Variants in CEP192 observed in about 807,000 individuals in gnomAD.
The protein encoded by CEP192 is centrosomal protein of 192 kDa.
In CEP192, 151 loss-of-function variants were observed where a neutral mutation model predicts 271.8. The ratio of observed to expected loss-of-function variants is 0.56; its 90% CI spans 0.49 to 0.64. The LOEUF (loss-of-function observed/expected upper bound fraction) is 0.64. Among genes scored for constraint, CEP192 ranks in the 30% least tolerant of loss-of-function variants. The pLI is 0.00. For synonymous variants in CEP192, 995 were observed against 1,076.5 expected (o/e 0.92, Z 1.48); for missense variants, 2,910 against 3,020.5 (o/e 0.96, Z 0.86).
chr18:13,112,129 C>T (rs1409026095), intron 40 of CEP192, among the ~76,000 whole-genome samples: 1 of 152,190 alleles, frequency 6.6e-6, no homozygotes, highest in Non-Finnish European at 1.5e-5. Flanking sequence ...TCTGGATATA[C>T]ACTAGAAAAG....
At chr18:13,001,319 A>G in intron 2 of CEP192, 138 bp from the exon 3 acceptor site, 1 of 593,394 alleles carries the variant, frequency 1.7e-6, no homozygotes, top group Middle Eastern at 4.6e-4. Context: ...TGCACAGAGG[A>G]TGATGGTTTG....
intron 2 of CEP192, among the ~76,000 whole-genome samples, chr18:13,000,765 G>A (rs1180160677): frequency 6.6e-6 from 1 of 152,210 alleles, no homozygotes; most frequent in African/African-American, 2.4e-5. Flanking sequence ...GACCAGCCTG[G>A]CCAACATGGC....
chr18:13,033,575 A>G (rs1421275370), intron 11 of CEP192, among the ~76,000 whole-genome samples: 1 of 152,236 alleles, frequency 6.6e-6, no homozygotes, highest in Non-Finnish European at 1.5e-5. Context: ...TTTATTCTTC[A>G]GATACACTTG....
chr18:13,107,465 A>C (rs1394819431), intron 40 of CEP192, among the ~76,000 whole-genome samples: 1 of 152,260 alleles, frequency 6.6e-6, no homozygotes, highest in Non-Finnish European at 1.5e-5. Flanking sequence ...CTGGGCTGAC[A>C]GTCTACTGAC....
intron 9 of CEP192, among the ~76,000 whole-genome samples, chr18:13,020,819 T>C (rs2034947791): frequency 6.6e-6 from 1 of 152,252 alleles, no homozygotes; most frequent in African/African-American, 2.4e-5. Context: ...TGCATTTCCC[T>C]GATGACAGTG....
intron 15 of CEP192, among the ~76,000 whole-genome samples, chr18:13,043,841 C>G (rs2143859068): frequency 6.6e-6 from 1 of 152,162 alleles, no homozygotes; most frequent in Middle Eastern, 3.4e-3. Context: ...AGATTTCTTC[C>G]TAAGTTGTTG....
chr18:13,068,909 C>T lies in CEP192; in HGVS notation c.4880C>T (p.Pro1627Leu). 1 of 1,614,136 alleles carries T rather than the reference C, an allele frequency of 6.2e-7. No homozygotes were observed. The highest frequency in any genetic ancestry group is 8.5e-7 in the Non-Finnish European group (1 of 1,180,002). The change falls in exon 25 of 45, where the codon CCA (proline) becomes CTA (leucine). Residue 1627 changes from proline to leucine, a missense_variant. Physicochemically the swap from Pro to Leu is moderately conservative, Grantham distance 98. Coordinates refer to ENST00000506447, the MANE Select transcript of CEP192 (RefSeq NM_032142.4). ...SAKVDIEVDS[P>L]NPTPVLRSVS... ...AAAGTTGATATCGAAGTTGACAGCC[C>T]AAACCCTACGCCCGTTCTTAGAAGT... is the stretch of plus-strand genomic sequence containing the variant.
chr18:13,038,431 C>T lies in CEP192; in HGVS notation c.1661C>T (p.Thr554Ile). 1 of 1,551,606 alleles carries T rather than the reference C, an allele frequency of 6.4e-7. No homozygotes were observed. Among genetic ancestry groups the T allele is most frequent in the Admixed American group, 2.0e-5 (1 of 50,992 alleles). Residue 554 changes from threonine to isoleucine, a missense_variant, in exon 13 of 45, where the codon ACA becomes ATA. Coordinates refer to ENST00000506447, the MANE Select transcript of CEP192 (RefSeq NM_032142.4). ...VALGDTSWGA[T>I]INYSLLRKSR... The stretch of plus-strand genomic sequence containing the variant: ...CTGGGCGATACGTCCTGGGGAGCTA[C>T]AATTAATTACAGTCTGTTGAGGAAA...
chr18:13,017,825 C>CTTACTATTTTTTATCTA (rs2034744982), intron 7 of CEP192, among the ~76,000 whole-genome samples: 1 of 152,160 alleles, frequency 6.6e-6, no homozygotes, highest in African/African-American at 2.4e-5. Context: ...ATCCTTTATT[C>CTTACTATTTTTTATCTA]TTACTATTTT....
chr18:13,057,594 G>A lies in CEP192; in HGVS notation c.4118G>A (p.Arg1373Gln), dbSNP rs1196587669. Residue 1373 changes from arginine (R) to glutamine (Q), a missense_variant, in exon 20 of 45, where the codon CGA becomes CAA. Arg to Gln is a conservative substitution (Grantham distance 43). Transcript: ENST00000506447. ...CCTTATTCTCACCCAGGGAGTGTCC[G>A]AGTGCCCGAGGAGTTGAAGCTTCCT... ...SGVTSGLGSV[R>Q]VPEELKLPHA... The A allele has an allele frequency of 6.8e-6, 11 of 1,613,816 alleles. No homozygotes were observed. Among genetic ancestry groups the A allele is most frequent in the South Asian group, 3.3e-5 (3 of 91,050 alleles).
In CEP192 at chr18:13,056,712, T is replaced by C. The variant is rs767635932; in HGVS notation, c.4108+14T>C. ...CATCAGGATTGGGTAAGATGCTTTT[T>C]CTCTATTATTATTACTTGCTATTAT... On this transcript the variant is annotated intron_variant, in intron 19 of 44. Coordinates refer to ENST00000506447, the MANE Select transcript of CEP192 (RefSeq NM_032142.4). The C allele has an allele frequency of 5.8e-6, 9 of 1,546,698 alleles. No homozygotes were observed. Among genetic ancestry groups the C allele is most frequent in the Admixed American group, 2.1e-5 (1 of 48,620 alleles).
At chr18:13,041,418 A>G (rs1386165817) in intron 14 of CEP192, among the ~76,000 whole-genome samples, 1 of 152,162 alleles carries the variant, frequency 6.6e-6, no homozygotes, top group East Asian at 1.9e-4. Context: ...GCTACATATC[A>G]TATAAAGTTG....
chr18:13,056,663 T>C lies in CEP192; in HGVS notation c.4073T>C (p.Ile1358Thr), dbSNP rs773098435. ...PVPSVGTNCG[I>T]EPWDSGVTSG... Reference sequence around the variant, plus strand: ...CCGTCTGTTGGTACAAACTGTGGAATTGAACCATGGGATTCAGGAGTGACA... The same window carrying C: ...CCGTCTGTTGGTACAAACTGTGGAACTGAACCATGGGATTCAGGAGTGACA... Residue 1358 changes from isoleucine to threonine, a missense_variant, in exon 19 of 45, where the codon ATT becomes ACT. Physicochemically the swap from Ile to Thr is moderately conservative, Grantham distance 89. Transcript: ENST00000506447. 6.2e-6 allele frequency: 10 copies of C among 1,611,416 alleles called. No individual in the cohort carries two copies. The highest frequency in any genetic ancestry group is 7.6e-6 in the Non-Finnish European group (9 of 1,178,868).
At chr18:13,032,523 C>CTCA (rs1189149705) in intron 11 of CEP192, among the ~76,000 whole-genome samples, 5 of 152,138 alleles carry the variant, frequency 3.3e-5, no homozygotes, top group African/African-American at 1.2e-4. Context: ...TCATGGAATT[C>CTCA]TCATGTGTTG....
intron 21 of CEP192, among the ~76,000 whole-genome samples, chr18:13,067,221 T>C (rs143025911): frequency 3.3e-5 from 5 of 152,336 alleles, no homozygotes; most frequent in African/African-American, 1.2e-4. Context: ...GTTTGAAGTA[T>C]ACAGGAGGAT....
chr18:13,002,719 T>C (rs2033730050), intron 3 of CEP192, among the ~76,000 whole-genome samples: 1 of 152,206 alleles, frequency 6.6e-6, no homozygotes, highest in South Asian at 2.1e-4. Context: ...TATATATGCA[T>C]GAAAGAAAGT....
intron 40 of CEP192, among the ~76,000 whole-genome samples, chr18:13,112,423 GAT>G (rs1333945518): frequency 6.6e-6 from 1 of 152,212 alleles, no homozygotes; most frequent in East Asian, 1.9e-4. Flanking sequence ...AGGACAGGCA[GAT>G]CTATAGAGAG....
chr18:13,117,123 G>C (rs2040470354), intron 43 of CEP192, among the ~76,000 whole-genome samples: 2 of 152,042 alleles, frequency 1.3e-5, no homozygotes, highest in African/African-American at 4.8e-5. Flanking sequence ...ACTTGTGGGG[G>C]CTGAGCTGAG....
chr18:13,101,136 G>A (rs1322925623), intron 38 of CEP192, among the ~76,000 whole-genome samples: 2 of 152,180 alleles, frequency 1.3e-5, no homozygotes, highest in African/African-American at 2.4e-5. Flanking sequence ...TCTGGGCGGC[G>A]GCAGCCCTGA....
Sources: gnomAD v4.1 joint callset for allele counts (sites outside exome capture counted in the v4.1 genomes callset) on GRCh38, gnomAD v4.1.1 for gene constraint, MANE v1.5 for transcripts, NCBI Gene and HGNC (gene_info 2026-07-23, HGNC 2026-07-21) for gene names.